NRXN3: variants seen among roughly 807,000 people sequenced by gnomAD.
The protein encoded by NRXN3 is neurexin 3.
NRXN3 carries 32 observed loss-of-function variants against 137.6 expected under a neutral mutation model. The observed-to-expected ratio is 0.23, with a 90% CI of 0.18 to 0.31. The LOEUF is 0.31. Among genes scored for constraint, NRXN3 ranks in the 10% least tolerant of loss-of-function variants. The pLI, the probability that NRXN3 is intolerant of heterozygous loss-of-function variation, is 1.00. For synonymous variants in NRXN3, 798 were observed against 784.5 expected (o/e 1.02, Z -0.29); for missense variants, 1,574 against 2,062.5 (o/e 0.76, Z 4.59).
At chr14:79,097,067 A>G (rs2050487241) in intron 15 of NRXN3, among the ~76,000 whole-genome samples, 1 of 149,772 alleles carries the variant, frequency 6.7e-6, no homozygotes, top group Non-Finnish European at 1.5e-5. Flanking sequence ...TTCAATATAG[A>G]CTCATTTCTT....
chr14:78,968,176 A>G lies in NRXN3; in HGVS notation c.2972A>G (p.Asp991Gly). The G allele has an allele frequency of 6.3e-7, 1 of 1,593,110 alleles. No individual in the cohort carries two copies. The highest frequency in any genetic ancestry group is 8.6e-7 in the Non-Finnish European group (1 of 1,166,708). Residue 991 changes from aspartate to glycine, a missense_variant, in exon 14 of 21, where the codon GAT (aspartate) becomes GGT (glycine). By Grantham distance (94) the Asp-to-Gly change is moderately conservative (BLOSUM62 -1). Coordinates refer to ENST00000335750, the MANE Select transcript of NRXN3 (RefSeq NM_001330195.2). Reference protein sequence around the residue: ...NGAKNLDLKGDLYMAGLAQGM... With the variant: ...NGAKNLDLKGGLYMAGLAQGM... ...TGCTAATTACTTTCCTTTCCAGGTG[A>G]TCTCTATATGGCTGGTCTGGCCCAA...
chr14:79,181,715 T>C (rs538723939), intron 15 of NRXN3, among the ~76,000 whole-genome samples: 2 of 149,736 alleles, frequency 1.3e-5, no homozygotes, highest in Non-Finnish European at 3.0e-5. Context: ...TATGATAACA[T>C]GAAAACTTAT....
intron 4 of NRXN3, among the ~76,000 whole-genome samples, chr14:78,345,407 G>A (rs147949934): frequency 4.6e-5 from 7 of 152,274 alleles, no homozygotes; most frequent in African/African-American, 1.7e-4. Flanking sequence ...TAAGTCTTAC[G>A]ATTTTGAAAC....
intron 15 of NRXN3, among the ~76,000 whole-genome samples, chr14:79,315,700 C>T (rs1184574990): frequency 6.6e-6 from 1 of 152,168 alleles, no homozygotes; most frequent in African/African-American, 2.4e-5. Context: ...TTTTCCTCAT[C>T]TTCTTTTCCT....
intron 10 of NRXN3, among the ~76,000 whole-genome samples, chr14:78,818,750 T>C (rs1465887662): frequency 6.6e-6 from 1 of 152,164 alleles, no homozygotes; most frequent in African/African-American, 2.4e-5. Flanking sequence ...AGTGTCATTT[T>C]AGGAATTTAT....
chr14:78,685,463 C>T (rs892694909), intron 6 of NRXN3, among the ~76,000 whole-genome samples: 7 of 152,008 alleles, frequency 4.6e-5, no homozygotes, highest in African/African-American at 1.7e-4. Flanking sequence ...CCTCCTCATT[C>T]ACCCTGATGC....
chr14:78,241,462 A>G (rs1362590649), intron 1 of NRXN3, among the ~76,000 whole-genome samples: 1 of 152,146 alleles, frequency 6.6e-6, no homozygotes, highest in African/African-American at 2.4e-5. Flanking sequence ...TCTACTAAAA[A>G]TACAAAAATT....
intron 4 of NRXN3, among the ~76,000 whole-genome samples, chr14:78,423,834 G>A (rs948339145): frequency 2.0e-5 from 3 of 152,180 alleles, no homozygotes; most frequent in Non-Finnish European, 2.9e-5. Context: ...ATTAGCAAGG[G>A]TTTATAGTAT....
At chr14:78,474,205 G>A (rs2095336380) in intron 4 of NRXN3, among the ~76,000 whole-genome samples, 1 of 152,148 alleles carries the variant, frequency 6.6e-6, no homozygotes, top group Admixed American at 6.5e-5. Context: ...ATAGGGAATG[G>A]TGTAATTAAC....
At chr14:78,742,842 A>T (rs1165034096) in intron 8 of NRXN3, among the ~76,000 whole-genome samples, 1 of 152,240 alleles carries the variant, frequency 6.6e-6, no homozygotes, top group Non-Finnish European at 1.5e-5. Context: ...AACGATAAGA[A>T]TGTTCTTCTT....
intron 18 of NRXN3, among the ~76,000 whole-genome samples, chr14:79,694,563 T>C (rs935190954): frequency 7.2e-5 from 11 of 151,960 alleles, no homozygotes; most frequent in African/African-American, 2.7e-4. Context: ...TGGTCAGTTA[T>C]TATAAAAATC....
intron 4 of NRXN3, among the ~76,000 whole-genome samples, chr14:78,305,865 CCA>C (rs142973866): frequency 0.018 from 2,807 of 152,150 alleles, 90 homozygotes; most frequent in African/African-American, 0.064. Flanking sequence ...AGCCTGTTTT[CCA>C]TGTATTTTTT....
intron 4 of NRXN3, among the ~76,000 whole-genome samples, chr14:78,351,294 T>C (rs1597642717): frequency 3.3e-5 from 5 of 152,360 alleles, no homozygotes; most frequent in Admixed American, 3.3e-4. Flanking sequence ...TATTAGCTTT[T>C]GCAAACATTT....
chr14:79,528,117 T>C (rs772368472), intron 16 of NRXN3, among the ~76,000 whole-genome samples: 3 of 152,172 alleles, frequency 2.0e-5, no homozygotes, highest in Admixed American at 6.5e-5. Flanking sequence ...ATTCATCCTA[T>C]GGAAATAGTC....
intron 16 of NRXN3, among the ~76,000 whole-genome samples, chr14:79,622,913 T>C (rs964986758): frequency 2.0e-5 from 3 of 152,212 alleles, no homozygotes; most frequent in African/African-American, 7.2e-5. Flanking sequence ...TAGTTTATTA[T>C]TATTTCATTA....
chr14:78,274,519 A>G (rs367706501), intron 2 of NRXN3, among the ~76,000 whole-genome samples: 7 of 152,224 alleles, frequency 4.6e-5, no homozygotes, highest in Non-Finnish European at 7.3e-5. Flanking sequence ...TACGGGAACT[A>G]CAATTCAAGA....
chr14:78,967,465 G>A, intron 13 of NRXN3, 67 bp downstream of exon 13: 3 of 1,171,694 alleles, frequency 2.6e-6, no homozygotes, highest in Non-Finnish European at 3.7e-6. Context: ...TATTTCCAGA[G>A]GCAAACCACA....
chr14:79,424,483 A>C (rs941969504), intron 15 of NRXN3, among the ~76,000 whole-genome samples: 8 of 152,226 alleles, frequency 5.3e-5, no homozygotes, highest in Admixed American at 5.2e-4. Context: ...TTTGCTAACC[A>C]AGCTTAGCAT....
At chr14:79,501,410 C>T (rs1425997353) in intron 16 of NRXN3, among the ~76,000 whole-genome samples, 2 of 152,256 alleles carry the variant, frequency 1.3e-5, no homozygotes, top group South Asian at 2.1e-4. Flanking sequence ...TACCACTATG[C>T]ATCATCAGTT....
Sources: allele counts gnomAD v4.1 joint callset (sites outside exome capture counted in the v4.1 genomes callset), GRCh38; gene constraint gnomAD v4.1.1; transcripts MANE v1.5; gene names NCBI Gene and HGNC (gene_info 2026-07-23, HGNC 2026-07-21).